The following TMCC3 variants were observed in gnomAD, a reference collection of about 807,000 sequenced individuals.
TMCC3 encodes transmembrane and coiled-coil domain family 3, also known as transmembrane and coiled-coil domain protein 3.
TMCC3 carries 28 observed loss-of-function variants against 40.2 expected under a neutral mutation model. The observed-to-expected ratio is 0.70, with a 90% CI of 0.52 to 0.95. TMCC3 has a LOEUF of 0.95. Among genes scored for constraint, TMCC3 ranks in the 40% least tolerant of loss-of-function variants. The probability of loss-of-function intolerance (pLI) is 0.00; values close to 1 mark genes in which losing one functional copy is unlikely to be tolerated. For missense variants in TMCC3, 554 were observed against 615.2 expected, an observed-to-expected ratio of 0.90 and a Z score of 1.05; for synonymous variants, 255 against 248.5, an observed-to-expected ratio of 1.03 and a Z score of -0.25.
At chr12:94,627,042 G>A (rs1027758645) in intron 1 of TMCC3, among the ~76,000 whole-genome samples, 26 of 151,890 alleles carry the variant, frequency 1.7e-4, no homozygotes, top group African/African-American at 6.1e-4. Flanking sequence ...TGTATTTTTA[G>A]TAGAGATGGG....
chr12:94,578,335 A>C, intron 3 of TMCC3, 59 bp downstream of exon 3: 1 of 1,567,916 alleles, frequency 6.4e-7, no homozygotes, highest in Non-Finnish European at 8.7e-7. Context: ...TTAGACTGTT[A>C]AATGAATTAA....
Position 94,571,724 on chromosome 12 carries a change from G to T in TMCC3, c.1145C>A (p.Ser382Tyr). ...RSRDIQEALE[S>Y]CQTRISKLEL... ...CAGCTTAGAAATGCGAGTCTGGCAG[G>T]ATTCCAAGGCTTCCTGTGAGCAAGA... Residue 382 changes from serine to tyrosine, a missense_variant, in exon 4 of 4, where the codon TCC (serine) becomes TAC (tyrosine). Physicochemically the swap from Ser to Tyr is moderately radical, Grantham distance 144. Coordinates refer to ENST00000261226, the MANE Select transcript of TMCC3 (RefSeq NM_020698.4). 6.2e-7 allele frequency: 1 copy of T among 1,613,918 alleles called. No homozygotes were observed. The highest frequency in any genetic ancestry group is 1.1e-5 in the South Asian group (1 of 91,076).
At chr12:94,588,107 C>G (rs2068648744) in intron 1 of TMCC3, among the ~76,000 whole-genome samples, 1 of 152,188 alleles carries the variant, frequency 6.6e-6, no homozygotes, top group African/African-American at 2.4e-5. Flanking sequence ...GCCTCCAGCA[C>G]AACACACCAA....
intron 1 of TMCC3, among the ~76,000 whole-genome samples, chr12:94,603,794 T>C (rs1273798119): frequency 6.6e-6 from 1 of 152,074 alleles, no homozygotes; most frequent in East Asian, 1.9e-4. Flanking sequence ...AGTAATAAGA[T>C]GCAAAAAAAC....
intron 2 of TMCC3, among the ~76,000 whole-genome samples, chr12:94,581,379 T>A (rs546934899): frequency 2.0e-5 from 3 of 152,178 alleles, no homozygotes; most frequent in East Asian, 3.9e-4. Context: ...TAGGGATGTA[T>A]TGATTGCTAA....
intron 1 of TMCC3, among the ~76,000 whole-genome samples, chr12:94,642,005 C>T (rs2068993714): frequency 6.6e-6 from 1 of 151,854 alleles, no homozygotes; most frequent in Non-Finnish European, 1.5e-5. Context: ...CCAGTGCCCC[C>T]CAAAAACCTG....
At chr12:94,591,494 C>A (rs1459648039) in intron 1 of TMCC3, among the ~76,000 whole-genome samples, 1 of 151,708 alleles carries the variant, frequency 6.6e-6, no homozygotes, top group Non-Finnish European at 1.5e-5. Context: ...TGCAGTGGCT[C>A]ACACCTGTAA....
At chr12:94,637,749 T>C (rs2068967728) in intron 1 of TMCC3, among the ~76,000 whole-genome samples, 1 of 152,210 alleles carries the variant, frequency 6.6e-6, no homozygotes, top group Non-Finnish European at 1.5e-5. Flanking sequence ...TAAATGATGG[T>C]ATAGCCATAC....
chr12:94,620,442 C>A (rs2068870118), intron 1 of TMCC3, among the ~76,000 whole-genome samples: 1 of 151,868 alleles, frequency 6.6e-6, no homozygotes, highest in Non-Finnish European at 1.5e-5. Context: ...AGCCCACCAC[C>A]ATGCCCAGCT....
chr12:94,639,668 A>AACACACACACACACACACACACAC (rs3073591), intron 1 of TMCC3, among the ~76,000 whole-genome samples: 1 of 124,106 alleles, frequency 8.1e-6, no homozygotes, highest in African/African-American at 3.2e-5. Flanking sequence ...CATATATGTA[A>AACACACACACACACACACACACAC]ACACACACAC....
chr12:94,617,736 C>G (rs553760482), intron 1 of TMCC3, among the ~76,000 whole-genome samples: 1 of 152,252 alleles, frequency 6.6e-6, no homozygotes, highest in African/African-American at 2.4e-5. Flanking sequence ...CTCAAAATTG[C>G]TATGTGGCTT....
At chr12:94,645,164 T>C (rs1233565778) in intron 1 of TMCC3, among the ~76,000 whole-genome samples, 2 of 152,206 alleles carry the variant, frequency 1.3e-5, no homozygotes, top group African/African-American at 2.4e-5. Flanking sequence ...TCAGTAAGTA[T>C]TTTTTGAATA....
chr12:94,595,924 T>A (rs1317048971), intron 1 of TMCC3, among the ~76,000 whole-genome samples: 11 of 152,234 alleles, frequency 7.2e-5, no homozygotes, highest in African/African-American at 2.7e-4. Context: ...ATTTCTGGCA[T>A]AGAAAAACAG....
chr12:94,628,077 A>C (rs923382167), intron 1 of TMCC3, among the ~76,000 whole-genome samples: 1 of 152,250 alleles, frequency 6.6e-6, no homozygotes, highest in Non-Finnish European at 1.5e-5. Context: ...GACTTGGTGG[A>C]AGGTTGGGCA....
intron 1 of TMCC3, among the ~76,000 whole-genome samples, chr12:94,603,959 G>T (rs1323479410): frequency 2.0e-5 from 3 of 152,198 alleles, no homozygotes; most frequent in South Asian, 4.1e-4. Context: ...AACCTGTAAT[G>T]CATTTTGTCA....
rs569296394 is a variant in TMCC3, at chr12:94,579,667, T to A, written c.996-1138A>T. On this transcript the variant is annotated intron_variant, in intron 2 of 3. Coordinates refer to ENST00000261226, the MANE Select transcript of TMCC3 (RefSeq NM_020698.4). Reference sequence around the variant, plus strand: ...CATAGGTCACCTGACAGAATCATTTTATAAAGAGGACCAAAGAGCTTCATC... The same window carrying A: ...CATAGGTCACCTGACAGAATCATTTAATAAAGAGGACCAAAGAGCTTCATC... Among the ~76,000 whole-genome samples the A allele has an allele frequency of 1.9e-3, 297 of 152,368 alleles. 2 individuals are homozygous for A. Among genetic ancestry groups the A allele is most frequent in the Non-Finnish European group, 3.8e-3 (261 of 68,038 alleles).
Position 94,571,292 on chromosome 12 carries a change from G to A in TMCC3, c.*143C>T. ...GTTGGCAACTGCTACGGAGTTAAGA[G>A]AATTGTAGTTATTTACACCACACAG... On this transcript the variant is annotated 3_prime_UTR_variant, in exon 4 of 4. Transcript: ENST00000261226. 2.4e-6 allele frequency: 2 copies of A among 831,548 alleles called. No individual in the cohort carries two copies. The highest frequency in any genetic ancestry group is 1.8e-6 in the Non-Finnish European group (1 of 541,712). 51.5% of individuals were successfully genotyped at this position (831,548 alleles called of 1,614,324 possible). A position where few individuals can be genotyped will look rare whatever the true frequency, so the allele number is the denominator to read the frequency against.
intron 1 of TMCC3, among the ~76,000 whole-genome samples, chr12:94,592,063 A>G (rs1270700015): frequency 1.3e-5 from 2 of 152,156 alleles, no homozygotes; most frequent in African/African-American, 4.8e-5. Context: ...ACTTTCCCCC[A>G]CTGTGTGCTG....
At chr12:94,597,620 A>G (rs565850560) in intron 1 of TMCC3, among the ~76,000 whole-genome samples, 1 of 152,238 alleles carries the variant, frequency 6.6e-6, no homozygotes, top group African/African-American at 2.4e-5. Flanking sequence ...GCCTGGTCCA[A>G]TATGGCAAAA....
Sources: gnomAD v4.1 joint callset for allele counts (sites outside exome capture counted in the v4.1 genomes callset) on GRCh38, gnomAD v4.1.1 for gene constraint, MANE v1.5 for transcripts, NCBI Gene and HGNC (gene_info 2026-07-23, HGNC 2026-07-21) for gene names.